Variants in WWOX observed in about 807,000 individuals in gnomAD.
WWOX encodes the protein WW domain-containing oxidoreductase.
Under a neutral mutation model 46.2 loss-of-function variants are expected in WWOX, and 69 were observed. The ratio of observed to expected loss-of-function variants is 1.49; its 90% CI spans 1.23 to 1.82. The LOEUF is 1.82. Ranked by LOEUF, WWOX falls within the 40% of genes most tolerant of loss-of-function variation. WWOX has a pLI of 0.00. For synonymous variants in WWOX, 359 were observed against 202.6 expected (o/e 1.77, Z -6.56); for missense variants, 919 against 542.6 (o/e 1.69, Z -6.89).
intron 8 of WWOX, among the ~76,000 whole-genome samples, chr16:78,796,402 G>C (rs148183776): frequency 6.6e-6 from 1 of 152,206 alleles, no homozygotes; most frequent in Non-Finnish European, 1.5e-5. Context: ...AAGCCTGGAA[G>C]CAGTGAGGTC....
rs569463114 is a variant in WWOX, at chr16:78,913,266, C to G, written c.1057-298342C>G. Reference sequence around the variant, plus strand: ...TAGTGCTTCACATAAGCAGAGGCCCCAAGACATCAGCAAGCCCGTTTTTTG... The same window carrying G: ...TAGTGCTTCACATAAGCAGAGGCCCGAAGACATCAGCAAGCCCGTTTTTTG... On this transcript the variant is annotated intron_variant, in intron 8 of 8. Coordinates refer to ENST00000566780, the MANE Select transcript of WWOX (RefSeq NM_016373.4). 2.6e-5 allele frequency among the ~76,000 whole-genome samples: 4 copies of G among 152,076 alleles called. No individual in the cohort carries two copies. The East Asian group carries it at 7.7e-4, about 29-fold the overall frequency.
chr16:79,031,865 TAGATATCTATATACAGATATCTGTATAC>T (rs1303252751), intron 8 of WWOX, among the ~76,000 whole-genome samples: 1 of 141,880 alleles, frequency 7.0e-6, no homozygotes, highest in Non-Finnish European at 1.5e-5. Flanking sequence ...TATATATAGA[TAGATATCTATATACAGATATCTGTATAC>T]AGATATCTAT....
intron 8 of WWOX, among the ~76,000 whole-genome samples, chr16:78,674,357 T>G (rs909488442): frequency 2.0e-5 from 3 of 151,498 alleles, no homozygotes; most frequent in African/African-American, 7.3e-5. Context: ...CGATCTTGGC[T>G]CACTGCAACC....
chr16:78,690,842 T>C (rs1274900676), intron 8 of WWOX, among the ~76,000 whole-genome samples: 1 of 152,224 alleles, frequency 6.6e-6, no homozygotes, highest in Non-Finnish European at 1.5e-5. Flanking sequence ...TCCAGCAGCC[T>C]ACCCAGGATG....
At chr16:78,991,712 A>T (rs2046890890) in intron 8 of WWOX, among the ~76,000 whole-genome samples, 1 of 152,076 alleles carries the variant, frequency 6.6e-6, no homozygotes, top group Non-Finnish European at 1.5e-5. Flanking sequence ...GCAAGCCATA[A>T]GGTTAACCCC....
chr16:78,488,157 C>T (rs1165225950), intron 8 of WWOX, among the ~76,000 whole-genome samples: 2 of 152,268 alleles, frequency 1.3e-5, no homozygotes, highest in East Asian at 3.9e-4. Flanking sequence ...GTTCCTGCTA[C>T]CTTTGGCTGG....
intron 6 of WWOX, among the ~76,000 whole-genome samples, chr16:78,396,680 G>C (rs541747505): frequency 6.6e-6 from 1 of 152,326 alleles, no homozygotes; most frequent in African/African-American, 2.4e-5. Context: ...CACTAGACTA[G>C]ACATTCGTCG....
intron 8 of WWOX, among the ~76,000 whole-genome samples, chr16:78,496,931 C>T (rs1408789114): frequency 6.6e-6 from 1 of 152,178 alleles, no homozygotes; most frequent in Non-Finnish European, 1.5e-5. Flanking sequence ...CTTTCCCGCC[C>T]TCTCAAGCCA....
At chr16:79,211,078 C>G (rs1039457777) in intron 8 of WWOX, among the ~76,000 whole-genome samples, 1 of 131,680 alleles carries the variant, frequency 7.6e-6, no homozygotes, top group Non-Finnish European at 1.7e-5. Context: ...TTTAACACAA[C>G]ATTGCCAACC....
chr16:78,344,654 A>G (rs9937805), intron 5 of WWOX, among the ~76,000 whole-genome samples: 19,742 of 120,838 alleles, frequency 0.16, 5,963 homozygotes, highest in East Asian at 0.22. Flanking sequence ...ATGAGTACCT[A>G]TGTGCTGGGC....
At position 78,308,097 on chromosome 16, in the gene WWOX, G is replaced by A. The variant is rs892876781; in HGVS notation, c.517-78763G>A. ...CTGAGACCCCAGCTTTCCCAGTCAG[G>A]CCTTCATTTTTCTCTCATGGTGAGA... is the stretch of plus-strand genomic sequence containing the variant. On this transcript the variant is annotated intron_variant, in intron 5 of 8. Transcript: ENST00000566780. Among the ~76,000 whole-genome samples, 3 of 152,164 alleles carry A rather than the reference G, an allele frequency of 2.0e-5. No individual in the cohort carries two copies. The East Asian group carries it at 5.8e-4, about 29-fold the overall frequency.
At chr16:78,315,284 GTT>G (rs938209133) in intron 5 of WWOX, among the ~76,000 whole-genome samples, 1 of 151,896 alleles carries the variant, frequency 6.6e-6, no homozygotes, top group Non-Finnish European at 1.5e-5. Context: ...AAGTGAAACT[GTT>G]TTTTTTCCTT....
chr16:78,694,099 G>C (rs2048048890), intron 8 of WWOX, among the ~76,000 whole-genome samples: 1 of 152,142 alleles, frequency 6.6e-6, no homozygotes, highest in Non-Finnish European at 1.5e-5. Flanking sequence ...AGGCGTGGTA[G>C]TGTGTGCATA....
intron 8 of WWOX, among the ~76,000 whole-genome samples, chr16:78,605,586 C>G (rs1255033892): frequency 6.6e-6 from 1 of 152,114 alleles, no homozygotes; most frequent in African/African-American, 2.4e-5. Flanking sequence ...CAATGCCTGC[C>G]CTTTCTAGAG....
chr16:78,369,114 T>C (rs72796023), intron 5 of WWOX, among the ~76,000 whole-genome samples: 8,052 of 152,102 alleles, frequency 0.053, 279 homozygotes, highest in East Asian at 0.12. Flanking sequence ...GAACTTGTGA[T>C]GTACACATTA....
intron 8 of WWOX, among the ~76,000 whole-genome samples, chr16:78,849,906 C>G (rs2052399285): frequency 6.6e-6 from 1 of 151,950 alleles, no homozygotes; most frequent in Admixed American, 6.6e-5. Context: ...AACCCTGTCT[C>G]TACTTAAAAT....
intron 8 of WWOX, among the ~76,000 whole-genome samples, chr16:79,046,210 A>G (rs2048063032): frequency 1.3e-5 from 2 of 152,196 alleles, no homozygotes; most frequent in South Asian, 4.1e-4. Context: ...TATTGTCAGT[A>G]TGTATCCAAG....
chr16:79,062,901 A>G (rs944400961), intron 8 of WWOX, among the ~76,000 whole-genome samples: 1 of 152,222 alleles, frequency 6.6e-6, no homozygotes, highest in Non-Finnish European at 1.5e-5. Context: ...CCAGGAAAAA[A>G]AATAAATTTC....
chr16:78,513,479 A>T (rs1355597454), intron 8 of WWOX, among the ~76,000 whole-genome samples: 2 of 152,212 alleles, frequency 1.3e-5, no homozygotes, highest in African/African-American at 4.8e-5. Flanking sequence ...AGTTTGCTTT[A>T]GCTTTTCATG....
Sources: allele counts gnomAD v4.1 joint callset (sites outside exome capture counted in the v4.1 genomes callset), GRCh38; gene constraint gnomAD v4.1.1; transcripts MANE v1.5; gene names NCBI Gene and HGNC (gene_info 2026-07-23, HGNC 2026-07-21).